HS6ST3: variants seen among roughly 807,000 people sequenced by gnomAD.
HS6ST3 encodes the protein heparan sulfate 6-O-sulfotransferase 3.
Under a neutral mutation model 36.7 loss-of-function variants are expected in HS6ST3, and 12 were observed. The observed-to-expected ratio is 0.33, with a 90% CI of 0.21 to 0.53. HS6ST3 has a LOEUF of 0.53. HS6ST3 is among the 20% of genes least tolerant of loss of function. HS6ST3 has a pLI of 0.95. For synonymous variants in HS6ST3, 240 were observed against 257.5 expected, an observed-to-expected ratio of 0.93 and a Z score of 0.65; for missense variants, 584 against 640.9, an observed-to-expected ratio of 0.91 and a Z score of 0.96.
intron 1 of HS6ST3, among the ~76,000 whole-genome samples, chr13:96,798,950 AC>A (rs1270489474): frequency 2.6e-5 from 4 of 152,008 alleles, no homozygotes; most frequent in African/African-American, 7.2e-5. Context: ...GTACATATGT[AC>A]CCCAGTGTCC....
intron 1 of HS6ST3, among the ~76,000 whole-genome samples, chr13:96,228,363 A>G (rs1412965122): frequency 6.6e-6 from 1 of 152,136 alleles, no homozygotes; most frequent in Non-Finnish European, 1.5e-5. Flanking sequence ...TGTTCAAGTG[A>G]TTCTCCTGCT....
At chr13:96,742,629 C>T (rs771160218) in intron 1 of HS6ST3, among the ~76,000 whole-genome samples, 19 of 152,202 alleles carry the variant, frequency 1.2e-4, no homozygotes, top group Non-Finnish European at 2.2e-4. Flanking sequence ...ATCACAATTT[C>T]AGGTACGTGA....
chr13:96,821,549 A>T (rs537571703), intron 1 of HS6ST3, among the ~76,000 whole-genome samples: 1 of 152,372 alleles, frequency 6.6e-6, no homozygotes, highest in South Asian at 2.1e-4. Context: ...GCACTTAGAA[A>T]TGTACTTGGA....
At chr13:96,247,230 A>G (rs1354928943) in intron 1 of HS6ST3, among the ~76,000 whole-genome samples, 2 of 152,088 alleles carry the variant, frequency 1.3e-5, no homozygotes, top group East Asian at 1.9e-4. Context: ...CTTGGTGGCA[A>G]CGTGTCTATT....
chr13:96,730,934 G>T (rs546519890), intron 1 of HS6ST3, among the ~76,000 whole-genome samples: 1 of 152,146 alleles, frequency 6.6e-6, no homozygotes, highest in African/African-American at 2.4e-5. Flanking sequence ...GTCACACTGT[G>T]TTGCCCAAGC....
intron 1 of HS6ST3, among the ~76,000 whole-genome samples, chr13:96,249,149 C>T (rs1333068471): frequency 6.6e-6 from 1 of 152,166 alleles, no homozygotes; most frequent in Admixed American, 6.6e-5. Context: ...ATCTCAAACC[C>T]TGTTCTCTTT....
intron 1 of HS6ST3, among the ~76,000 whole-genome samples, chr13:96,166,575 C>CTTTCTTTTTTTTTTTTT (rs1555389089): frequency 7.6e-6 from 1 of 131,590 alleles, no homozygotes; most frequent in African/African-American, 2.8e-5. Context: ...TTCTTTCTTT[C>CTTTCTTTTTTTTTTTTT]TTTTTTTTTT....
intron 1 of HS6ST3, among the ~76,000 whole-genome samples, chr13:96,601,583 A>G (rs928240762): frequency 6.6e-6 from 1 of 152,136 alleles, no homozygotes; most frequent in Non-Finnish European, 1.5e-5. Flanking sequence ...AATTAATAAT[A>G]TGCATTTTGG....
chr13:96,788,356 T>C (rs1000595361), intron 1 of HS6ST3, among the ~76,000 whole-genome samples: 2 of 151,934 alleles, frequency 1.3e-5, no homozygotes, highest in Non-Finnish European at 2.9e-5. Flanking sequence ...ATTGAATTGG[T>C]ATCTTAACTA....
At chr13:96,167,573 G>A (rs748128029) in intron 1 of HS6ST3, among the ~76,000 whole-genome samples, 13 of 152,182 alleles carry the variant, frequency 8.5e-5, no homozygotes, top group African/African-American at 1.4e-4. Flanking sequence ...AGCATTATCT[G>A]TCAGGCCACT....
chr13:96,240,074 A>C (rs1444158942), intron 1 of HS6ST3, among the ~76,000 whole-genome samples: 2 of 152,188 alleles, frequency 1.3e-5, no homozygotes, highest in Non-Finnish European at 2.9e-5. Flanking sequence ...GGGGTCAGGG[A>C]GTGGTGAATA....
chr13:96,513,361 T>G (rs1178338580), intron 1 of HS6ST3, among the ~76,000 whole-genome samples: 1 of 152,150 alleles, frequency 6.6e-6, no homozygotes, highest in African/African-American at 2.4e-5. Flanking sequence ...AATTTATTCT[T>G]TCCCCTGTTC....
chr13:96,476,426 G>A (rs1243208437), intron 1 of HS6ST3, among the ~76,000 whole-genome samples: 1 of 152,088 alleles, frequency 6.6e-6, no homozygotes, highest in Non-Finnish European at 1.5e-5. Flanking sequence ...GCAATGGTGT[G>A]ATCTTGGCTC....
At chr13:96,607,627 G>A (rs937925030) in intron 1 of HS6ST3, among the ~76,000 whole-genome samples, 1 of 152,150 alleles carries the variant, frequency 6.6e-6, no homozygotes, top group African/African-American at 2.4e-5. Flanking sequence ...GGAGGAGAAT[G>A]GAAAAGTAAA....
intron 1 of HS6ST3, among the ~76,000 whole-genome samples, chr13:96,728,706 T>A (rs1290781318): frequency 6.6e-6 from 1 of 152,174 alleles, no homozygotes; most frequent in Non-Finnish European, 1.5e-5. Flanking sequence ...TGTGGCACCT[T>A]CCCATAATCA....
chr13:96,351,335 T>A (rs7988919), intron 1 of HS6ST3, among the ~76,000 whole-genome samples: 77,210 of 146,342 alleles, frequency 0.53, 21,502 homozygotes, highest in Admixed American at 0.67. Context: ...TTTTTTTTTT[T>A]AAAAAAAACA....
chr13:96,112,212 A>G (rs566935157), intron 1 of HS6ST3, among the ~76,000 whole-genome samples: 1 of 152,280 alleles, frequency 6.6e-6, no homozygotes, highest in Non-Finnish European at 1.5e-5. Flanking sequence ...TTTAATAACC[A>G]GTTTCCCACA....
intron 1 of HS6ST3, among the ~76,000 whole-genome samples, chr13:96,266,984 A>G (rs1253410516): frequency 6.6e-6 from 1 of 152,184 alleles, no homozygotes; most frequent in Non-Finnish European, 1.5e-5. Flanking sequence ...TGGTTCCCAT[A>G]ATCACCACAT....
At chr13:96,369,993 A>G (rs1751774351) in intron 1 of HS6ST3, among the ~76,000 whole-genome samples, 1 of 152,152 alleles carries the variant, frequency 6.6e-6, no homozygotes. Flanking sequence ...TAATAGAGCA[A>G]GTCACTTCTC....
Sources: allele counts gnomAD v4.1 joint callset (sites outside exome capture counted in the v4.1 genomes callset), GRCh38; gene constraint gnomAD v4.1.1; transcripts MANE v1.5; gene names NCBI Gene and HGNC (gene_info 2026-07-23, HGNC 2026-07-21).